Variants in SNX29 observed in about 807,000 individuals in gnomAD.
The protein encoded by SNX29 is sorting nexin-29.
In SNX29, 78 loss-of-function variants were observed where a neutral mutation model predicts 102.1. The observed-to-expected ratio is 0.76, with a 90% CI of 0.64 to 0.92. The LOEUF (loss-of-function observed/expected upper bound fraction) is 0.92. Among genes scored for constraint, SNX29 ranks in the 40% least tolerant of loss-of-function variants. SNX29 has a pLI of 0.00. For missense variants in SNX29, 1,280 were observed against 1,061.7 expected (o/e 1.21, Z -2.86); for synonymous variants, 580 against 414.5 (o/e 1.40, Z -4.85).
intron 11 of SNX29, among the ~76,000 whole-genome samples, chr16:12,124,582 G>T (rs2054124682): frequency 6.6e-6 from 1 of 152,096 alleles, no homozygotes; most frequent in African/African-American, 2.4e-5. Flanking sequence ...AGTTTTTATT[G>T]CTTCATTTCA....
intron 13 of SNX29, among the ~76,000 whole-genome samples, chr16:12,166,260 T>A (rs2056016984): frequency 6.6e-6 from 1 of 152,256 alleles, no homozygotes; most frequent in Non-Finnish European, 1.5e-5. Flanking sequence ...TGGGTAGGGC[T>A]CTTGTGGAAG....
intron 18 of SNX29, among the ~76,000 whole-genome samples, chr16:12,426,850 G>C (rs920596596): frequency 2.6e-5 from 4 of 152,114 alleles, no homozygotes; most frequent in African/African-American, 9.7e-5. Context: ...ATTTTTAGTA[G>C]AGATGGGGTT....
chr16:12,567,684 C>T (rs573470747), intron 20 of SNX29, among the ~76,000 whole-genome samples: 13 of 152,248 alleles, frequency 8.5e-5, no homozygotes, highest in African/African-American at 3.1e-4. Context: ...ATCACTTGAG[C>T]CCAGGAGATC....
chr16:12,038,394 C>T (rs1376212554), intron 4 of SNX29, among the ~76,000 whole-genome samples: 3 of 152,170 alleles, frequency 2.0e-5, no homozygotes, highest in African/African-American at 7.2e-5. Context: ...TTAACAGGTG[C>T]CCCGGGGCAG....
At chr16:12,296,663 ACTT>A in intron 15 of SNX29, among the ~76,000 whole-genome samples, 1 of 100,194 alleles carries the variant, frequency 1.0e-5, no homozygotes, top group East Asian at 4.7e-4. Flanking sequence ...TAATGCAGGT[ACTT>A]CTCCTACTTA....
In SNX29 at chr16:12,183,436, AGTGTTTTTCT is replaced by A. The variant is rs556601659; in HGVS notation, c.1596-16164_1596-16155del. 8.5e-4 allele frequency among the ~76,000 whole-genome samples: 130 copies of A among 152,156 alleles called. 2 individuals carry two copies. The East Asian group carries it at 0.017, about 19-fold the overall frequency. On this transcript the variant is annotated intron_variant, in intron 13 of 20. Coordinates refer to ENST00000566228, the MANE Select transcript of SNX29 (RefSeq NM_032167.5). Reference sequence around the variant, plus strand: ...CAACTTTTTTTTTTGCATATTTCTCAGTGTTTTTCTAAATAAATGAATAAACACAAACATA... The same window carrying A: ...CAACTTTTTTTTTTGCATATTTCTCAAAATAAATGAATAAACACAAACATA...
At chr16:12,256,038 ATCTT>A (rs796850660) in intron 14 of SNX29, among the ~76,000 whole-genome samples, 4 of 152,186 alleles carry the variant, frequency 2.6e-5, no homozygotes, top group African/African-American at 9.6e-5. Context: ...ACCAACATTT[ATCTT>A]TCTTCTATTT....
chr16:12,535,879 C>T (rs529988473), intron 20 of SNX29, among the ~76,000 whole-genome samples: 3 of 152,266 alleles, frequency 2.0e-5, no homozygotes, highest in South Asian at 4.1e-4. Flanking sequence ...GTCCAAGGTC[C>T]TACCCATCTC....
intron 14 of SNX29, among the ~76,000 whole-genome samples, chr16:12,221,380 C>G (rs191357311): frequency 6.6e-6 from 1 of 152,112 alleles, no homozygotes; most frequent in East Asian, 1.9e-4. Flanking sequence ...TTCGGGAGGC[C>G]GAGGTGGGTG....
intron 7 of SNX29, among the ~76,000 whole-genome samples, chr16:12,049,001 T>C (rs1267931421): frequency 6.6e-6 from 1 of 152,158 alleles, no homozygotes; most frequent in African/African-American, 2.4e-5. Flanking sequence ...GCAGTCTCCT[T>C]TGGGATGGGT....
intron 15 of SNX29, among the ~76,000 whole-genome samples, chr16:12,290,070 C>T (rs1303759650): frequency 3.9e-5 from 6 of 152,080 alleles, no homozygotes; most frequent in East Asian, 1.9e-4. Flanking sequence ...TGCATGTAGA[C>T]GGGCAATGAC....
chr16:12,510,999 C>A (rs552915118), intron 19 of SNX29, among the ~76,000 whole-genome samples: 46 of 152,118 alleles, frequency 3.0e-4, no homozygotes, highest in African/African-American at 1.1e-3. Flanking sequence ...CTCTGTCGCC[C>A]AGGCTGGAAT....
intron 18 of SNX29, among the ~76,000 whole-genome samples, chr16:12,467,235 T>C (rs1240977482): frequency 6.6e-6 from 1 of 152,178 alleles, no homozygotes; most frequent in East Asian, 1.9e-4. Flanking sequence ...CCATGGCCAG[T>C]AGTGCTAAAA....
At chr16:12,290,120 T>G (rs1055995709) in intron 15 of SNX29, among the ~76,000 whole-genome samples, 8 of 152,196 alleles carry the variant, frequency 5.3e-5, no homozygotes, top group African/African-American at 1.9e-4. Context: ...CATTTCTTTT[T>G]CTGCTTAAAA....
chr16:12,563,782 T>A (rs1319053607), intron 20 of SNX29, among the ~76,000 whole-genome samples: 3 of 152,252 alleles, frequency 2.0e-5, no homozygotes, highest in African/African-American at 7.2e-5. Context: ...TGCCGACCTG[T>A]CTGAAGACTG....
chr16:12,054,798 C>T (rs556252851), intron 8 of SNX29, among the ~76,000 whole-genome samples: 3 of 152,314 alleles, frequency 2.0e-5, no homozygotes, highest in South Asian at 2.1e-4. Context: ...TCCATTTCTC[C>T]GCAGAACCGT....
intron 18 of SNX29, among the ~76,000 whole-genome samples, chr16:12,415,917 C>T (rs2084617443): frequency 6.6e-6 from 1 of 152,062 alleles, no homozygotes; most frequent in South Asian, 2.1e-4. Flanking sequence ...ATCATCTTGT[C>T]GGGAAGAAAT....
rs867506341 is a variant in SNX29 at position 12,572,075 on chromosome 16, G to T, written c.*3446G>T. On this transcript the variant is annotated 3_prime_UTR_variant, in exon 21 of 21. Coordinates refer to ENST00000566228, the MANE Select transcript of SNX29 (RefSeq NM_032167.5). ...CAAGGGAACCATCTTGCAAGATCTA[G>T]GAAGAGGAAGGGGAGGGATGTGGAC... is the stretch of plus-strand genomic sequence containing the variant. 1 of 1,063,618 alleles carries T rather than the reference G, an allele frequency of 9.4e-7. No individual in the cohort carries two copies. The highest frequency in any genetic ancestry group is 1.1e-6 in the Non-Finnish European group (1 of 878,146). 65.9% of individuals were successfully genotyped at this position (1,063,618 alleles called of 1,614,324 possible). A position where few individuals can be genotyped will look rare whatever the true frequency, so the allele number is the denominator to read the frequency against.
intron 20 of SNX29, among the ~76,000 whole-genome samples, chr16:12,530,126 T>C (rs1264947862): frequency 1.3e-5 from 2 of 152,226 alleles, no homozygotes; most frequent in African/African-American, 4.8e-5. Context: ...CATCAACCAC[T>C]TGGCCCTCTA....
Sources: gnomAD v4.1 joint callset for allele counts (sites outside exome capture counted in the v4.1 genomes callset) on GRCh38, gnomAD v4.1.1 for gene constraint, MANE v1.5 for transcripts, NCBI Gene and HGNC (gene_info 2026-07-23, HGNC 2026-07-21) for gene names.